The following CACNB1 variants were observed in gnomAD, a reference collection of about 807,000 sequenced individuals.
CACNB1 encodes voltage-dependent L-type calcium channel subunit beta-1.
In CACNB1, 29 loss-of-function variants were observed where a neutral mutation model predicts 71.6. The ratio of observed to expected loss-of-function variants is 0.40; its 90% CI spans 0.30 to 0.55. The LOEUF is 0.55. Ranked by LOEUF, CACNB1 falls within the 20% of genes least tolerant of loss-of-function variation. CACNB1 has a pLI of 0.38. For missense variants in CACNB1, 623 were observed against 801.8 expected, an observed-to-expected ratio of 0.78 and a Z score of 2.69; for synonymous variants, 300 against 319.6, an observed-to-expected ratio of 0.94 and a Z score of 0.65.
At position 39,194,272 on chromosome 17, in the gene CACNB1, A is replaced by AC. The variant is rs1320875490; in HGVS notation, c.171+611dup. Among the ~76,000 whole-genome samples, 3 of 151,932 alleles carry AC rather than the reference A, an allele frequency of 2.0e-5. No homozygotes were observed. The highest frequency in any genetic ancestry group is 2.9e-5 in the Non-Finnish European group (2 of 67,962). ...GCCGCTTACTGACTGAGCACAGAAG[A>AC]CCCCAGAAAGCTATTCTCAGTTACA... is the stretch of plus-strand genomic sequence containing the variant. On this transcript the variant is annotated intron_variant, in intron 2 of 13. Coordinates refer to ENST00000394303, the MANE Select transcript of CACNB1 (RefSeq NM_000723.5). This position sits in a 1 kb window ranked among gnomAD's most constrained non-coding sequence, Gnocchi z 4.6.
chr17:39,176,605 A>T (rs1398910511), intron 13 of CACNB1, among the ~76,000 whole-genome samples: 1 of 152,216 alleles, frequency 6.6e-6, no homozygotes, highest in Non-Finnish European at 1.5e-5. Context: ...CGTAAGATTC[A>T]TTGAACAAAT....
At chr17:39,183,648 G>A in intron 11 of CACNB1, 65 bp downstream of exon 11, 2 of 1,319,162 alleles carry the variant, frequency 1.5e-6, no homozygotes, top group Admixed American at 2.6e-5. Context: ...GTGGAGCTGG[G>A]ATTTAAACCC....
Position 39,174,040 on chromosome 17 carries a change from AGGC to A in CACNB1, c.*1150_*1152del. On this transcript the variant is annotated 3_prime_UTR_variant, in exon 14 of 14. Transcript: ENST00000394303. ...CCATCCCTGAGGCGGGCAGCCGGGC[AGGC>A]CCCAGTCCTTGTTGGCACACTCGGC... 1 of 152,766 alleles carries A rather than the reference AGGC, an allele frequency of 6.5e-6. No individual in the cohort carries two copies. Among genetic ancestry groups the A allele is most frequent in the Non-Finnish European group, 1.5e-5 (1 of 68,112 alleles). 9.5% of individuals were successfully genotyped at this position (152,766 alleles called of 1,614,324 possible).
At chr17:39,182,337 G>T (rs1382999745) in intron 11 of CACNB1, among the ~76,000 whole-genome samples, 2 of 141,910 alleles carry the variant, frequency 1.4e-5, no homozygotes, top group Non-Finnish European at 3.1e-5. Flanking sequence ...AAAAAAAAAA[G>T]GTTAAGTAAC....
chr17:39,186,841 A>T lies in CACNB1; in HGVS notation c.503T>A (p.Leu168His). 1 of 1,614,124 alleles carries T rather than the reference A, an allele frequency of 6.2e-7. No homozygotes were observed. Among genetic ancestry groups the T allele is most frequent in the East Asian group, 2.2e-5 (1 of 44,890 alleles). The change falls in exon 5 of 14, where the codon CTT becomes CAT. Residue 168 changes from leucine (L) to histidine (H), a missense_variant. Physicochemically the swap from Leu to His is moderately conservative, Grantham distance 99 (BLOSUM62 -3). Coordinates refer to ENST00000394303, the MANE Select transcript of CACNB1 (RefSeq NM_000723.5). This position sits in a 1 kb window ranked among gnomAD's most constrained non-coding sequence, Gnocchi z 4.1. Reference protein sequence around the residue: ...FIPSPVKLDSLRLLQEQKLRQ... With the variant: ...FIPSPVKLDSHRLLQEQKLRQ... ...CAGCTTCTGTTCCTGCAGCAGGCGA[A>T]GGCTGTCCAGTTTGACGGGGCTGGG...
At chr17:39,176,995 T>C (rs1268349304) in intron 13 of CACNB1, 3 of 628,636 alleles carry the variant, frequency 4.8e-6, no homozygotes, top group Non-Finnish European at 7.1e-6. Flanking sequence ...CTTCCTCGCA[T>C]GTCCTTCCTA....
chr17:39,177,619 T>G, intron 12 of CACNB1, 84 bp from the exon 13 acceptor site: 1 of 1,093,412 alleles, frequency 9.1e-7, no homozygotes, highest in East Asian at 2.4e-5. Flanking sequence ...GTGCAGTGGG[T>G]AGAGTCAAGG....
intron 11 of CACNB1, among the ~76,000 whole-genome samples, chr17:39,182,318 C>T (rs886325269): frequency 1.4e-5 from 2 of 147,604 alleles, no homozygotes; most frequent in African/African-American, 5.1e-5. Context: ...CAGGGCAAGG[C>T]TGTCTCAAAA....
At chr17:39,183,385 G>T (rs1238929424) in intron 11 of CACNB1, among the ~76,000 whole-genome samples, 1 of 151,936 alleles carries the variant, frequency 6.6e-6, no homozygotes, top group Non-Finnish European at 1.5e-5. Flanking sequence ...CCTCCCAACT[G>T]CCAAGTAGCT....
At position 39,186,662 on chromosome 17, in the gene CACNB1, TCCA is replaced by T; in HGVS notation, c.552-93_552-91del. 6.6e-7 allele frequency: 1 copy of T among 1,511,158 alleles called. No homozygotes were observed. The highest frequency in any genetic ancestry group is 2.3e-5 in the East Asian group (1 of 44,188). 93.6% of individuals were successfully genotyped at this position (1,511,158 alleles called of 1,614,324 possible). A position where few individuals can be genotyped will look rare whatever the true frequency, so the allele number is the denominator to read the frequency against. On this transcript the variant is annotated intron_variant, in intron 5 of 13. Coordinates refer to ENST00000394303, the MANE Select transcript of CACNB1 (RefSeq NM_000723.5). The surrounding 1 kb of genome is among the most constrained non-coding windows in gnomAD (Gnocchi z 4.1). The stretch of plus-strand genomic sequence containing the variant: ...TCACATGCGGCACCCCCGGAGGTGC[TCCA>T]GCCCCACTGGTGATGCCACAGGCAG...
intron 13 of CACNB1, among the ~76,000 whole-genome samples, chr17:39,176,121 AT>A (rs1277883640): frequency 6.6e-6 from 1 of 152,050 alleles, no homozygotes; most frequent in Non-Finnish European, 1.5e-5. Flanking sequence ...CCAAACCCCA[AT>A]CTCAGGCTTC....
Position 39,186,625 on chromosome 17 carries a change from G to C in CACNB1, c.552-53C>G. 1 of 1,542,946 alleles carries C rather than the reference G, an allele frequency of 6.5e-7. No individual in the cohort carries two copies. Among genetic ancestry groups the C allele is most frequent in the Non-Finnish European group, 8.9e-7 (1 of 1,119,512 alleles). On this transcript the variant is annotated intron_variant, in intron 5 of 13. Transcript: ENST00000394303. This position sits in a 1 kb window ranked among gnomAD's most constrained non-coding sequence, Gnocchi z 4.1. ...GTGAGCAAAGAGGTGGGCGTGGGGG[G>C]CTCTCATCCTCTCACATGCGGCACC...
At chr17:39,179,865 T>C (rs953182453) in intron 11 of CACNB1, among the ~76,000 whole-genome samples, 1 of 151,918 alleles carries the variant, frequency 6.6e-6, no homozygotes, top group African/African-American at 2.4e-5. Context: ...GCTGACATCA[T>C]GCCACTGCAC....
At chr17:39,184,513 G>T in intron 8 of CACNB1, 130 bp from the exon 9 acceptor site, 1 of 667,186 alleles carries the variant, frequency 1.5e-6, no homozygotes, top group South Asian at 1.7e-5. Flanking sequence ...CGGCGGGCGG[G>T]GGTCTGAGTC....
Position 39,186,726 on chromosome 17 carries a change from C to T in CACNB1, c.551+67G>A, listed in dbSNP as rs1597704986. 8.8e-6 allele frequency: 14 copies of T among 1,593,924 alleles called. No individual in the cohort carries two copies. The East Asian group carries it at 2.9e-4, about 33-fold the overall frequency. ...TCAGGGCCAGGGACAACCATTGAGG[C>T]CTAGTCCAGGCTGTATGGCCTCTCC... is the stretch of plus-strand genomic sequence containing the variant. On this transcript the variant is annotated intron_variant, in intron 5 of 13. Coordinates refer to ENST00000394303, the MANE Select transcript of CACNB1 (RefSeq NM_000723.5). The surrounding 1 kb of genome is among the most constrained non-coding windows in gnomAD (Gnocchi z 4.1).
At position 39,184,768 on chromosome 17, in the gene CACNB1, C is replaced by T. The variant is rs900499052; in HGVS notation, c.729+16G>A. 22 of 1,576,894 alleles carry T rather than the reference C, an allele frequency of 1.4e-5. No homozygotes were observed. The African/African-American group carries it at 2.2e-4, about 15-fold the overall frequency. ...CTAAGGCCCCTCTGCATCCACTCCC[C>T]TCTAGGAAGTCCTACCTCGTAGCCC... On this transcript the variant is annotated intron_variant, in intron 8 of 13. Coordinates refer to ENST00000394303, the MANE Select transcript of CACNB1 (RefSeq NM_000723.5).
In CACNB1 at chr17:39,186,036, C is replaced by T. The variant is rs141322943; in HGVS notation, c.628+460G>A. The T allele has an allele frequency of 2.0e-3, 3,252 of 1,613,970 alleles. 21 individuals carry two copies. Among genetic ancestry groups the T allele is most frequent in the Admixed American group, 0.016 (958 of 59,994 alleles). ...GTCTTGGCAGAGCCACTCTGCTCAC[C>T]AAGCTCAGCCTCTTCCTCCTCTAAC... On this transcript the variant is annotated intron_variant, in intron 6 of 13. Transcript: ENST00000394303. This position sits in a 1 kb window ranked among gnomAD's most constrained non-coding sequence, Gnocchi z 4.1.
Position 39,194,440 on chromosome 17 carries a change from C to T in CACNB1, c.171+444G>A, listed in dbSNP as rs949233135. On this transcript the variant is annotated intron_variant, in intron 2 of 13. Transcript: ENST00000394303. This position sits in a 1 kb window ranked among gnomAD's most constrained non-coding sequence, Gnocchi z 4.6. ...ATGTCTCGAGGTGAGGAGCGTGTTTCCCTGGCCAGGACCTCACCAGGACTA... is the reference window on the plus strand; with the variant it reads ...ATGTCTCGAGGTGAGGAGCGTGTTTTCCTGGCCAGGACCTCACCAGGACTA... Among the ~76,000 whole-genome samples, 4 of 152,216 alleles carry T rather than the reference C, an allele frequency of 2.6e-5. No individual in the cohort carries two copies. Among genetic ancestry groups the T allele is most frequent in the Middle Eastern group, 3.4e-3 (1 of 294 alleles).
rs755303801 is a variant in CACNB1 at position 39,184,870 on chromosome 17, G to C, written c.649-6C>G. 3.9e-6 allele frequency: 6 copies of C among 1,527,386 alleles called. No homozygotes were observed. The highest frequency in any genetic ancestry group is 1.7e-5 in the Admixed American group (1 of 59,866). 94.6% of individuals were successfully genotyped at this position (1,527,386 alleles called of 1,614,324 possible). A position where few individuals can be genotyped will look rare whatever the true frequency, so the allele number is the denominator to read the frequency against. On this transcript the variant is annotated splice_polypyrimidine_tract_variant and splice_region_variant and intron_variant, in intron 7 of 13. Transcript: ENST00000394303. ...TAGGGGGGCACATGCTCTGTCTGGG[G>C]GGGGAAGCAGGGAGGGGAAACCCCA...
Sources: allele counts gnomAD v4.1 joint callset (sites outside exome capture counted in the v4.1 genomes callset), GRCh38; gene constraint gnomAD v4.1.1; non-coding constraint Gnocchi (gnomAD v3.1); transcripts MANE v1.5; gene names NCBI Gene and HGNC (gene_info 2026-07-23, HGNC 2026-07-21).